Variants in DST observed in about 807,000 individuals in gnomAD.
DST encodes the protein dystonin.
Under a neutral mutation model 875.2 loss-of-function variants are expected in DST, and 253 were observed. The ratio of observed to expected loss-of-function variants is 0.29; its 90% confidence interval spans 0.26 to 0.32. The LOEUF (loss-of-function observed/expected upper bound fraction) is 0.32. Ranked by LOEUF, DST falls within the 10% of genes least tolerant of loss-of-function variation. The pLI is 1.00. For synonymous variants in DST, 3,124 were observed against 3,197.1 expected (o/e 0.98, Z 0.77); for missense variants, 8,287 against 9,111.6 (o/e 0.91, Z 3.68).
chr6:56,839,975 T>C (rs1438187214), intron 4 of DST, among the ~76,000 whole-genome samples: 2 of 152,196 alleles, frequency 1.3e-5, no homozygotes, highest in African/African-American at 4.8e-5. Context: ...AATGCAACAC[T>C]TTCATTACGG....
chr6:56,782,946 A>G (rs2099697134), intron 4 of DST, among the ~76,000 whole-genome samples: 1 of 152,184 alleles, frequency 6.6e-6, no homozygotes, highest in African/African-American at 2.4e-5. Flanking sequence ...TTGGTTTCAA[A>G]GAACATCTTT....
intron 2 of DST, among the ~76,000 whole-genome samples, chr6:56,950,276 C>T (rs1821672041): frequency 6.6e-6 from 1 of 152,186 alleles, no homozygotes; most frequent in East Asian, 1.9e-4. Context: ...TTATGTCAGA[C>T]AAGGCTTCCC....
chr6:56,523,924 C>A (rs2096750568), intron 69 of DST, among the ~76,000 whole-genome samples: 1 of 152,056 alleles, frequency 6.6e-6, no homozygotes, highest in South Asian at 2.1e-4. Flanking sequence ...CAGGTCATAT[C>A]GTGTCCCTAT....
At chr6:56,618,758 T>C in intron 36 of DST, 2 of 1,614,202 alleles carry the variant, frequency 1.2e-6, no homozygotes, top group Non-Finnish European at 1.7e-6. Context: ...CATTAATTTT[T>C]CCATCTTCTT....
chr6:56,748,284 C>T (rs1224623591), intron 4 of DST, among the ~76,000 whole-genome samples: 1 of 152,032 alleles, frequency 6.6e-6, no homozygotes, highest in Non-Finnish European at 1.5e-5. Context: ...CTTTGGTAGG[C>T]AGCTATGGTA....
chr6:56,655,066 C>T (rs1228696796), intron 10 of DST, among the ~76,000 whole-genome samples: 2 of 148,454 alleles, frequency 1.3e-5, no homozygotes, highest in African/African-American at 5.0e-5. Context: ...GAGGGTGAGG[C>T]AGGAGAATCA....
chr6:56,526,495 C>T lies in DST; in HGVS notation c.17995G>A (p.Glu5999Lys). ...SLNEVSSALLELVPWRAREGL... is the reference protein window; with the variant it reads ...SLNEVSSALLKLVPWRAREGL... ...TCTCTTGCCCTCCATGGTACCAGTT[C>T]CAGCAAAGCACTGCTCACTTCATTA... Residue 5999 changes from glutamate (E) to lysine (K), a missense_variant, in exon 69 of 104, where the codon GAA (glutamate) becomes AAA (lysine). Physicochemically the swap from Glu to Lys is moderately conservative, Grantham distance 56. Coordinates refer to ENST00000680361, the MANE Select transcript of DST (RefSeq NM_001374736.1). The T allele has an allele frequency of 6.2e-7, 1 of 1,613,852 alleles. No individual in the cohort carries two copies. Among genetic ancestry groups the T allele is most frequent in the Non-Finnish European group, 8.5e-7 (1 of 1,179,810 alleles).
At chr6:56,851,278 A>G in intron 4 of DST, 119 bp downstream of exon 4, 1 of 912,876 alleles carries the variant, frequency 1.1e-6, no homozygotes, top group Non-Finnish European at 1.7e-6. Flanking sequence ...ATCCTCCCCC[A>G]CCTTGAGCAC....
At chr6:56,506,993 T>A (rs2096337149) in intron 75 of DST, among the ~76,000 whole-genome samples, 1 of 152,192 alleles carries the variant, frequency 6.6e-6, no homozygotes, top group Non-Finnish European at 1.5e-5. Flanking sequence ...ATGTCAAATG[T>A]TTATTATAAA....
At chr6:56,548,442 T>G (rs142050706) in intron 61 of DST, among the ~76,000 whole-genome samples, 70 of 152,376 alleles carry the variant, frequency 4.6e-4, no homozygotes, top group African/African-American at 1.6e-3. Context: ...AAGACCTGAT[T>G]GGCTGTTAAT....
chr6:56,778,803 T>A (rs565312891), intron 4 of DST, among the ~76,000 whole-genome samples: 22 of 152,206 alleles, frequency 1.4e-4, no homozygotes, highest in African/African-American at 5.3e-4. Context: ...TTTGGCTTGG[T>A]TCCAAGTCTT....
At chr6:56,759,605 T>A (rs1039341231) in intron 4 of DST, among the ~76,000 whole-genome samples, 4 of 152,230 alleles carry the variant, frequency 2.6e-5, no homozygotes, top group Non-Finnish European at 4.4e-5. Context: ...TTTTAATGAC[T>A]ATCAGAGACC....
Position 56,648,472 on chromosome 6 carries a change from C to T in DST, c.1554+98G>A, listed in dbSNP as rs567340285. The stretch of plus-strand genomic sequence containing the variant: ...CTACTTATTAATGGCTTTCCAAGGG[C>T]AACTTTTGTTGAACTTCTAAAATTA... On this transcript the variant is annotated intron_variant, in intron 13 of 103. Coordinates refer to ENST00000680361, the MANE Select transcript of DST (RefSeq NM_001374736.1). 23 of 1,246,170 alleles carry T rather than the reference C, an allele frequency of 1.8e-5. 1 individual carries two copies. The South Asian group carries it at 4.2e-4, about 23-fold the overall frequency. 77.2% of individuals were successfully genotyped at this position (1,246,170 alleles called of 1,614,324 possible).
Position 56,606,391 on chromosome 6 carries a change from A to G in DST, c.8237T>C (p.Ile2746Thr). The change falls in exon 40 of 104, where the codon ATT becomes ACT. Residue 2746 changes from isoleucine to threonine, a missense_variant. By Grantham distance (89) the Ile-to-Thr change is moderately conservative. Coordinates refer to ENST00000680361, the MANE Select transcript of DST (RefSeq NM_001374736.1). ...AGTGAAGCTCTCTTTTCCTCCTACA[A>G]TATCATAATCAGTCAATGAGTCAGA... Reference protein sequence around the residue: ...DESDSLTDYDIVGGKESFTAS... With the variant: ...DESDSLTDYDTVGGKESFTAS... The G allele has an allele frequency of 1.2e-6, 2 of 1,613,320 alleles. No homozygotes were observed. Among genetic ancestry groups the G allele is most frequent in the Non-Finnish European group, 8.5e-7 (1 of 1,179,590 alleles).
Position 56,485,498 on chromosome 6 carries a change from C to A in DST, c.21048-27G>T, listed in dbSNP as rs746400412. 3.1e-6 allele frequency: 5 copies of A among 1,602,104 alleles called. No individual in the cohort carries two copies. In the African/African-American group the frequency reaches 6.7e-5, roughly 21 times the overall value. The stretch of plus-strand genomic sequence containing the variant: ...TAGGGAAAAAGGTAGAAAAATTGAT[C>A]CTTGCAACAAAAAACGTCACTCATA... On this transcript the variant is annotated intron_variant, in intron 87 of 103. Coordinates refer to ENST00000680361, the MANE Select transcript of DST (RefSeq NM_001374736.1).
intron 10 of DST, among the ~76,000 whole-genome samples, chr6:56,658,470 G>A (rs1004687822): frequency 6.6e-6 from 1 of 152,110 alleles, no homozygotes; most frequent in African/African-American, 2.4e-5. Context: ...GGACATTATG[G>A]GCTGGTTATA....
chr6:56,879,938 C>G (rs1017771999), intron 3 of DST, among the ~76,000 whole-genome samples: 2 of 152,226 alleles, frequency 1.3e-5, no homozygotes, highest in African/African-American at 4.8e-5. Flanking sequence ...ATAGCTCAAG[C>G]AAAATTAAAC....
At chr6:56,536,669 C>A in intron 62 of DST, 110 bp downstream of exon 62, 1 of 1,085,604 alleles carries the variant, frequency 9.2e-7, no homozygotes, top group South Asian at 2.2e-5. Context: ...TAATATAAAA[C>A]AGTAGACATA....
Position 56,458,853 on chromosome 6 carries a change from T to A in DST, c.*152A>T. ...TATCTGACAAAAAAAATTATACAGATAAAATAAAAAGACAAATACACAAAT... is the reference window on the plus strand; with the variant it reads ...TATCTGACAAAAAAAATTATACAGAAAAAATAAAAAGACAAATACACAAAT... On this transcript the variant is annotated 3_prime_UTR_variant, in exon 104 of 104. Transcript: ENST00000680361. 3 of 845,124 alleles carry A rather than the reference T, an allele frequency of 3.5e-6. No homozygotes were observed. Among genetic ancestry groups the A allele is most frequent in the Middle Eastern group, 3.3e-4 (1 of 3,076 alleles). The allele number at this position is 845,124 out of a possible 1,614,324, so 52.4% of individuals were successfully genotyped here.
Sources: allele counts gnomAD v4.1 joint callset (sites outside exome capture counted in the v4.1 genomes callset), GRCh38; gene constraint gnomAD v4.1.1; transcripts MANE v1.5; gene names NCBI Gene and HGNC (gene_info 2026-07-23, HGNC 2026-07-21).